Variants in RIMS1 observed in about 807,000 individuals in gnomAD.
RIMS1 encodes the protein regulating synaptic membrane exocytosis 1.
RIMS1 carries 83 observed loss-of-function variants against 214.1 expected under a neutral mutation model. The ratio of observed to expected loss-of-function variants is 0.39; its 90% CI spans 0.32 to 0.47. The LOEUF is 0.47. RIMS1 is among the 20% of genes least tolerant of loss of function. RIMS1 has a pLI of 0.99. For missense variants in RIMS1, 2,050 were observed against 2,161.8 expected, an observed-to-expected ratio of 0.95 and a Z score of 1.03; for synonymous variants, 793 against 786.8, an observed-to-expected ratio of 1.01 and a Z score of -0.13.
intron 28 of RIMS1, among the ~76,000 whole-genome samples, chr6:72,322,412 C>G (rs754885828): frequency 6.6e-6 from 1 of 152,062 alleles, no homozygotes; most frequent in Admixed American, 6.6e-5. Context: ...CGTATGTCTT[C>G]ATTATGAAAT....
rs1178468865 is a variant in RIMS1, at chr6:72,179,864, C to T, written c.761C>T (p.Pro254Leu). The change falls in exon 5 of 34, where the codon CCT (proline) becomes CTT (leucine). Residue 254 changes from proline (P) to leucine (L), a missense_variant. By Grantham distance (98) the Pro-to-Leu change is moderately conservative. This residue lies in a region of RIMS1 where 882 missense variants were observed against 828.9 expected (regional missense o/e 1.06). Transcript: ENST00000521978. ...GAGCCCTCGCAGCAAGCCTTGGGGCCTGAACAGAAGCAGGCTTCATCCAGG... is the reference window on the plus strand; with the variant it reads ...GAGCCCTCGCAGCAAGCCTTGGGGCTTGAACAGAAGCAGGCTTCATCCAGG... ...GAEPSQQALG[P>L]EQKQASSRSR... 4 of 1,593,468 alleles carry T rather than the reference C, an allele frequency of 2.5e-6. No individual in the cohort carries two copies. In the African/African-American group the frequency reaches 5.4e-5, roughly 21 times the overall value.
chr6:72,280,124 T>G (rs1322743953), intron 23 of RIMS1, among the ~76,000 whole-genome samples: 6 of 151,988 alleles, frequency 3.9e-5, no homozygotes, highest in Non-Finnish European at 8.8e-5. Context: ...TTTTGGGCTT[T>G]CAAATTTAAT....
At position 71,900,856 on chromosome 6, in the gene RIMS1, A is replaced by G. The variant is rs551381769; in HGVS notation, c.164+13669A>G. On this transcript the variant is annotated intron_variant, in intron 1 of 33. Transcript: ENST00000521978. ...ATGAGTCATGTGTACACAGATGGCCATGAAGCTATGGGTGAGGCTGAGTGA... is the reference window on the plus strand; with the variant it reads ...ATGAGTCATGTGTACACAGATGGCCGTGAAGCTATGGGTGAGGCTGAGTGA... 2.0e-5 allele frequency among the ~76,000 whole-genome samples: 3 copies of G among 152,274 alleles called. No individual in the cohort carries two copies. In the East Asian group the frequency reaches 5.8e-4, roughly 29 times the overall value.
At chr6:71,999,881 T>A (rs1469394803) in intron 2 of RIMS1, among the ~76,000 whole-genome samples, 2 of 152,164 alleles carry the variant, frequency 1.3e-5, no homozygotes, top group Admixed American at 1.3e-4. Flanking sequence ...CATAATTTCT[T>A]CCAGTTCCTG....
chr6:72,073,429 A>C (rs1015536115), intron 2 of RIMS1, among the ~76,000 whole-genome samples: 6 of 152,224 alleles, frequency 3.9e-5, no homozygotes, highest in Non-Finnish European at 8.8e-5. Flanking sequence ...TGAATGCAAC[A>C]TGAATTTTCC....
chr6:72,340,695 A>G (rs1399867648), intron 29 of RIMS1, among the ~76,000 whole-genome samples: 2 of 152,038 alleles, frequency 1.3e-5, no homozygotes, highest in Admixed American at 6.6e-5. Context: ...GCCTTGTAGT[A>G]TAGTTTGAAG....
chr6:72,397,827 CAG>C (rs1470015364), intron 31 of RIMS1, among the ~76,000 whole-genome samples: 23 of 151,912 alleles, frequency 1.5e-4, no homozygotes, highest in African/African-American at 3.4e-4. Context: ...GACAGACAGG[CAG>C]AGAGATTGAT....
intron 2 of RIMS1, among the ~76,000 whole-genome samples, chr6:72,002,153 A>G (rs1217687027): frequency 6.6e-6 from 1 of 152,192 alleles, no homozygotes; most frequent in East Asian, 1.9e-4. Flanking sequence ...GTTATTACTT[A>G]TAAAAAAGTT....
intron 4 of RIMS1, among the ~76,000 whole-genome samples, chr6:72,111,404 G>C (rs2036056369): frequency 6.6e-6 from 1 of 152,098 alleles, no homozygotes; most frequent in African/African-American, 2.4e-5. Flanking sequence ...AAATTTTGTT[G>C]ATAGCAGGTT....
At position 72,196,580 on chromosome 6, in the gene RIMS1, C is replaced by CTTTTTTTTTTTTTTTTTTTTTTT. The variant is rs61651151; in HGVS notation, c.1678+13432_1678+13454dup. The stretch of plus-strand genomic sequence containing the variant: ...AGTACTGTGCTGGCAGCCAGCTGCA[C>CTTTTTTTTTTTTTTTTTTTTTTT]TTTTTTTTTTTTTTTTTTTTTTTAC... On this transcript the variant is annotated intron_variant, in intron 6 of 33. Transcript: ENST00000521978. Among the ~76,000 whole-genome samples the CTTTTTTTTTTTTTTTTTTTTTTT allele has an allele frequency of 5.8e-4, 33 of 57,200 alleles. 10 individuals are homozygous for CTTTTTTTTTTTTTTTTTTTTTTT. The highest frequency in any genetic ancestry group is 1.2e-3 in the East Asian group (2 of 1,666). The allele number at this position is 57,200 out of a possible 152,430, so 37.5% of individuals were successfully genotyped here.
At chr6:71,920,817 A>G (rs1160516860) in intron 1 of RIMS1, among the ~76,000 whole-genome samples, 1 of 152,246 alleles carries the variant, frequency 6.6e-6, no homozygotes, top group Admixed American at 6.5e-5. Context: ...AAAATAGTCA[A>G]TCATATTCCT....
At chr6:72,392,372 A>G (rs187693497) in intron 30 of RIMS1, among the ~76,000 whole-genome samples, 36 of 152,308 alleles carry the variant, frequency 2.4e-4, no homozygotes, top group Non-Finnish European at 4.6e-4. Context: ...TATCTGTGTG[A>G]AGTTTATGAT....
At chr6:72,082,597 A>G (rs1489692535) in intron 2 of RIMS1, among the ~76,000 whole-genome samples, 1 of 152,196 alleles carries the variant, frequency 6.6e-6, no homozygotes. Flanking sequence ...CATGGAGATT[A>G]AATCTAAAAC....
chr6:71,967,606 C>T (rs1213402304), intron 1 of RIMS1, among the ~76,000 whole-genome samples: 1 of 152,144 alleles, frequency 6.6e-6, no homozygotes, highest in Non-Finnish European at 1.5e-5. Flanking sequence ...TCCCACCACA[C>T]CGGGGAAAGA....
intron 6 of RIMS1, among the ~76,000 whole-genome samples, chr6:72,197,904 G>A (rs2051261800): frequency 1.3e-5 from 2 of 151,878 alleles, no homozygotes; most frequent in Non-Finnish European, 2.9e-5. Flanking sequence ...AAGGAAAAGG[G>A]GAAAAATGTA....
chr6:71,972,818 AAT>A (rs1796191617), intron 2 of RIMS1, among the ~76,000 whole-genome samples: 2 of 152,250 alleles, frequency 1.3e-5, no homozygotes, highest in Non-Finnish European at 2.9e-5. Context: ...TAATAAATAC[AAT>A]ACTAAAATGC....
At chr6:71,989,447 CA>C (rs1307748449) in intron 2 of RIMS1, among the ~76,000 whole-genome samples, 4 of 152,088 alleles carry the variant, frequency 2.6e-5, no homozygotes, top group Non-Finnish European at 4.4e-5. Flanking sequence ...CTTCACTCAC[CA>C]GGGGGTAGCC....
At chr6:72,287,424 C>T (rs1243415324) in intron 24 of RIMS1, among the ~76,000 whole-genome samples, 3 of 152,016 alleles carry the variant, frequency 2.0e-5, no homozygotes, top group Non-Finnish European at 4.4e-5. Context: ...ACTAAAGACG[C>T]AAATTTTTAT....
In RIMS1 at chr6:72,291,968, C is replaced by G; in HGVS notation, c.3772C>G (p.Pro1258Ala). Residue 1258 changes from proline (P) to alanine (A), a missense_variant, in exon 26 of 34, where the codon CCA (proline) becomes GCA (alanine). Coordinates refer to ENST00000521978, the MANE Select transcript of RIMS1 (RefSeq NM_014989.7). ...ACAGAGAAGTCCAACACAATCTCCT[C>G]CAGCAGACACATCGTTCAGCAGTCG... Reference protein sequence around the residue: ...HRQRSPTQSPPADTSFSSRRG... With the variant: ...HRQRSPTQSPAADTSFSSRRG... 1.9e-6 allele frequency: 3 copies of G among 1,563,852 alleles called. No homozygotes were observed. Among genetic ancestry groups the G allele is most frequent in the Non-Finnish European group, 1.7e-6 (2 of 1,154,212 alleles).
Sources: allele counts gnomAD v4.1 joint callset (sites outside exome capture counted in the v4.1 genomes callset), GRCh38; gene constraint gnomAD v4.1.1; regional missense constraint gnomAD v4.1.1; transcripts MANE v1.5; gene names NCBI Gene and HGNC (gene_info 2026-07-23, HGNC 2026-07-21).